CCNH: variants seen among roughly 807,000 people sequenced by gnomAD.
The protein encoded by CCNH is cyclin H.
In CCNH, 31 loss-of-function variants were observed where a neutral mutation model predicts 41.9. That is an observed-to-expected ratio of 0.74 (90% CI 0.56 to 1.00). CCNH has a LOEUF of 1.00. Among genes scored for constraint, CCNH ranks in the 50% least tolerant of loss-of-function variants. The pLI, the probability that CCNH is intolerant of heterozygous loss-of-function variation, is 0.00. For missense variants in CCNH, 362 were observed against 388.4 expected (o/e 0.93, Z 0.57); for synonymous variants, 138 against 136.1 (o/e 1.01, Z -0.10).
At chr5:87,339,009 T>C (rs1758246351) in intron 9 of CCNH, among the ~76,000 whole-genome samples, 1 of 152,184 alleles carries the variant, frequency 6.6e-6, no homozygotes, top group South Asian at 2.1e-4. Flanking sequence ...AAATATATTG[T>C]ACATTATAAC....
intron 7 of CCNH, 117 bp from the exon 8 acceptor site, chr5:87,395,221 G>A: frequency 1.4e-6 from 1 of 734,552 alleles, no homozygotes; most frequent in Non-Finnish European, 2.2e-6. Context: ...ACAAGGCCAG[G>A]ATAAATGGAA....
At chr5:87,368,701 G>A (rs1004024961) in intron 9 of CCNH, among the ~76,000 whole-genome samples, 5 of 152,114 alleles carry the variant, frequency 3.3e-5, no homozygotes, top group African/African-American at 1.2e-4. Flanking sequence ...TACTGGATTT[G>A]TAGTTAATTT....
At chr5:87,375,375 C>T (rs1462899702), downstream of CCNH, among the ~76,000 whole-genome samples, 1 of 151,882 alleles carries the variant, frequency 6.6e-6, no homozygotes, top group African/African-American at 2.4e-5. Context: ...ATTCTCCTGC[C>T]TCAGCCTCCT....
intron 9 of CCNH, among the ~76,000 whole-genome samples, chr5:87,384,737 ATC>A (rs1761949872): frequency 6.6e-6 from 1 of 152,134 alleles, no homozygotes; most frequent in Admixed American, 6.6e-5. Context: ...ACATCCTACT[ATC>A]TGTGTTCCAC....
intron 9 of CCNH, among the ~76,000 whole-genome samples, chr5:87,340,821 T>C (rs1018910900): frequency 2.0e-5 from 3 of 152,142 alleles, no homozygotes; most frequent in South Asian, 2.1e-4. Context: ...TGGTGGGAGA[T>C]TGGCAAATAG....
At chr5:87,412,463 G>A in intron 1 of CCNH, 1 of 1,409,790 alleles carries the variant, frequency 7.1e-7, no homozygotes, top group East Asian at 2.6e-5. Context: ...ACAAAGACTG[G>A]TTACTTGTCT....
At chr5:87,374,611 T>C (rs966613980), downstream of CCNH, among the ~76,000 whole-genome samples, 5 of 151,904 alleles carry the variant, frequency 3.3e-5, no homozygotes, top group African/African-American at 4.8e-5. Flanking sequence ...CCAGTACTTA[T>C]TTGAATGAAT....
downstream of CCNH, among the ~76,000 whole-genome samples, chr5:87,388,033 T>C (rs1270226481): frequency 1.3e-5 from 2 of 152,176 alleles, no homozygotes; most frequent in East Asian, 3.8e-4. Context: ...TCAATTATTA[T>C]CTCCTTCAGG....
chr5:87,343,306 G>A (rs1253473301), intron 9 of CCNH, among the ~76,000 whole-genome samples: 1 of 151,998 alleles, frequency 6.6e-6, no homozygotes, highest in African/African-American at 2.4e-5. Flanking sequence ...TTCTAGTTCA[G>A]GACTTTTTAA....
chr5:87,350,341 C>A (rs947622256), intron 9 of CCNH, among the ~76,000 whole-genome samples: 1 of 151,768 alleles, frequency 6.6e-6, no homozygotes, highest in Non-Finnish European at 1.5e-5. Flanking sequence ...ACTGAAAATA[C>A]AGCTAGCTGC....
intron 4 of CCNH, among the ~76,000 whole-genome samples, chr5:87,405,494 A>C (rs1282183821): frequency 6.6e-6 from 1 of 152,178 alleles, no homozygotes; most frequent in Non-Finnish European, 1.5e-5. Flanking sequence ...ACAGTTCTTC[A>C]TACCCTATAA....
chr5:87,396,832 C>G (rs1217674589), intron 7 of CCNH, among the ~76,000 whole-genome samples: 1 of 151,782 alleles, frequency 6.6e-6, no homozygotes, highest in South Asian at 2.1e-4. Context: ...ATGAAAAATG[C>G]AAAGAAGAAA....
At chr5:87,406,448 C>T (rs565942155) in intron 4 of CCNH, among the ~76,000 whole-genome samples, 3 of 152,212 alleles carry the variant, frequency 2.0e-5, no homozygotes, top group South Asian at 4.1e-4. Flanking sequence ...GCAATCAATC[C>T]TCATGTTCTA....
At chr5:87,392,999 T>TAAC (rs1467735404), downstream of CCNH, 2 of 152,056 alleles carry the variant, frequency 1.3e-5, no homozygotes, top group Non-Finnish European at 2.9e-5. Flanking sequence ...GGAGGATTTA[T>TAAC]AACTTTTGGC....
intron 8 of CCNH, 180 bp downstream of exon 8, chr5:87,394,862 CAG>C: frequency 7.2e-7 from 1 of 1,388,988 alleles, no homozygotes; most frequent in Non-Finnish European, 9.3e-7. Flanking sequence ...TAAATAAAGA[CAG>C]AAGAGAGAAA....
At chr5:87,395,162 G>A (rs1430165744) in intron 7 of CCNH, 58 bp from the exon 8 acceptor site, 3 of 1,498,930 alleles carry the variant, frequency 2.0e-6, no homozygotes, top group Admixed American at 1.8e-5. Flanking sequence ...ACTATAAAAT[G>A]TAAAATAAAC....
At chr5:87,397,477 C>A (rs1231820692) in intron 7 of CCNH, among the ~76,000 whole-genome samples, 3 of 152,098 alleles carry the variant, frequency 2.0e-5, no homozygotes, top group Non-Finnish European at 2.9e-5. Context: ...TTTTTAATAG[C>A]AATTTGATAT....
At chr5:87,360,956 A>G (rs1473848131) in intron 9 of CCNH, among the ~76,000 whole-genome samples, 1 of 152,252 alleles carries the variant, frequency 6.6e-6, no homozygotes, top group Non-Finnish European at 1.5e-5. Context: ...AAAGCTAAAA[A>G]GACAGCAAAG....
chr5:87,399,480 A>G lies in CCNH; in HGVS notation c.786T>C (p.Tyr262=), dbSNP rs1301401427. The part of the protein sequence containing the change: ...MKSMRNLVKK[Y]EPPRSEEVAV... ...CAACTTCTTCAGATCTGGGTGGTTC[A>G]TACTTCTTTACTAAGTTTCTCATGC... The change falls in exon 7 of 9, where the codon TAT becomes TAC. Residue 262 remains tyrosine (Y), a synonymous_variant. Coordinates refer to ENST00000256897, the MANE Select transcript of CCNH (RefSeq NM_001239.4). 1.2e-6 allele frequency: 2 copies of G among 1,613,164 alleles called. No homozygotes were observed. Among genetic ancestry groups the G allele is most frequent in the African/African-American group, 1.3e-5 (1 of 74,924 alleles).
Sources: gnomAD v4.1 joint callset for allele counts (sites outside exome capture counted in the v4.1 genomes callset) on GRCh38, gnomAD v4.1.1 for gene constraint, MANE v1.5 for transcripts, NCBI Gene and HGNC (gene_info 2026-07-23, HGNC 2026-07-21) for gene names.